Variants in CYP2J2 observed in about 807,000 individuals in gnomAD.
CYP2J2 encodes the protein cytochrome P450 family 2 subfamily J member 2.
In CYP2J2, 41 loss-of-function variants were observed where a neutral mutation model predicts 48.8. The ratio of observed to expected loss-of-function variants is 0.84; its 90% CI spans 0.66 to 1.09. The LOEUF (loss-of-function observed/expected upper bound fraction) is 1.09, where lower values mean the gene tolerates loss of function less well. Ranked by LOEUF, CYP2J2 falls within the 50% of genes least tolerant of loss-of-function variation. The pLI is 0.00. For missense variants in CYP2J2, 644 were observed against 617.3 expected (o/e 1.04, Z -0.46); for synonymous variants, 221 against 227.1 (o/e 0.97, Z 0.24).
intron 7 of CYP2J2, among the ~76,000 whole-genome samples, chr1:59,902,209 A>T (rs1326900140): frequency 6.7e-6 from 1 of 150,234 alleles, no homozygotes; most frequent in East Asian, 2.0e-4. Flanking sequence ...TTCCCTGACC[A>T]CTCCTGCTAG....
At chr1:59,894,517 GA>G (rs938124452) in intron 8 of CYP2J2, among the ~76,000 whole-genome samples, 4 of 152,164 alleles carry the variant, frequency 2.6e-5, no homozygotes, top group African/African-American at 9.7e-5. Flanking sequence ...ATGTGTGGGT[GA>G]ACTGAAGGCA....
At chr1:59,910,786 T>C (rs997620585) in intron 4 of CYP2J2, among the ~76,000 whole-genome samples, 2 of 152,048 alleles carry the variant, frequency 1.3e-5, no homozygotes, top group African/African-American at 4.8e-5. Flanking sequence ...AGAAATGTCT[T>C]CCAAATTCCA....
rs11572273 is a variant in CYP2J2 at position 59,909,977 on chromosome 1, A to T, written c.685-17T>A. On this transcript the variant is annotated splice_polypyrimidine_tract_variant and intron_variant, in intron 4 of 8. Coordinates refer to ENST00000371204, the MANE Select transcript of CYP2J2 (RefSeq NM_000775.4). ...ATTGTAGAGCTAATTGAGAAAAACAAAACAATCATGCAGATAACATGGTGC... is the reference window on the plus strand; with the variant it reads ...ATTGTAGAGCTAATTGAGAAAAACATAACAATCATGCAGATAACATGGTGC... The T allele has an allele frequency of 2.7e-4, 430 of 1,586,934 alleles. 6 individuals are homozygous for T. The South Asian group carries it at 4.6e-3, about 17-fold the overall frequency.
At chr1:59,907,287 G>A (rs996838893) in intron 6 of CYP2J2, among the ~76,000 whole-genome samples, 6 of 152,094 alleles carry the variant, frequency 3.9e-5, no homozygotes, top group African/African-American at 1.2e-4. Flanking sequence ...CATCTATCAC[G>A]ACATAGAGGC....
At chr1:59,945,548 G>A in the CYP2J2 span, among the ~76,000 whole-genome samples, 2 of 152,130 alleles carry the variant, frequency 1.3e-5, no homozygotes, top group East Asian at 1.9e-4. Context: ...ATGCTAATAT[G>A]AGCCTTTTTT....
the CYP2J2 span, among the ~76,000 whole-genome samples, chr1:59,966,970 G>A: frequency 6.6e-6 from 1 of 151,334 alleles, no homozygotes; most frequent in African/African-American, 2.4e-5. Context: ...GGAAATCCAA[G>A]CTCTTCAGGC....
chr1:59,935,051 T>TATATATATATATATATATATAC, the CYP2J2 span, among the ~76,000 whole-genome samples: 2 of 107,758 alleles, frequency 1.9e-5, no homozygotes, highest in African/African-American at 3.8e-5. Context: ...TATATATATA[T>TATATATATATATATATATATAC]ACACAACAGA....
At chr1:59,962,701 C>A in the CYP2J2 span, among the ~76,000 whole-genome samples, 21 of 152,118 alleles carry the variant, frequency 1.4e-4, no homozygotes, top group Admixed American at 1.4e-3. Context: ...CTGAATTGAC[C>A]AGTGACAATG....
At chr1:59,951,022 G>A in the CYP2J2 span, among the ~76,000 whole-genome samples, 10 of 152,156 alleles carry the variant, frequency 6.6e-5, no homozygotes, top group African/African-American at 2.4e-4. Context: ...TGGAAGGGAG[G>A]GGAGCTAGAT....
rs1325063835 is a variant in CYP2J2, at chr1:59,907,836, G to A, written c.953C>T (p.Thr318Ile). The A allele has an allele frequency of 6.2e-7, 1 of 1,614,120 alleles. No individual in the cohort carries two copies. Residue 318 changes from threonine to isoleucine, a missense_variant, in exon 6 of 9, where the codon ACA (threonine) becomes ATA (isoleucine). Transcript: ENST00000371204. ...LFFAGTETTSTTLRWALLYMA... is the reference protein window; with the variant it reads ...LFFAGTETTSITLRWALLYMA... Reference sequence around the variant, plus strand: ...ATAAAGCAGAGCCCATCGCAGAGTTGTGGAAGTTGTCTCGGTTCCGGCAAA... The same window carrying A: ...ATAAAGCAGAGCCCATCGCAGAGTTATGGAAGTTGTCTCGGTTCCGGCAAA...
chr1:59,954,442 A>T, the CYP2J2 span, among the ~76,000 whole-genome samples: 1 of 152,194 alleles, frequency 6.6e-6, no homozygotes. Context: ...AGAAAACAGC[A>T]GATGACAAGA....
the CYP2J2 span, among the ~76,000 whole-genome samples, chr1:59,943,929 G>T: frequency 6.6e-6 from 1 of 152,160 alleles, no homozygotes. Flanking sequence ...AGAAATGGGA[G>T]TTGAAGTGGA....
chr1:59,893,371 T>C lies in CYP2J2; in HGVS notation c.*280A>G, dbSNP rs1321835604. 2 of 317,144 alleles carry C rather than the reference T, an allele frequency of 6.3e-6. No homozygotes were observed. Among genetic ancestry groups the C allele is most frequent in the Admixed American group, 4.9e-5 (1 of 20,294 alleles). 19.6% of individuals were successfully genotyped at this position (317,144 alleles called of 1,614,324 possible). The stretch of plus-strand genomic sequence containing the variant: ...AACCACTTAAAGCTCACCATTTCTT[T>C]TGATTCTTACAAGAACTTTCTTTAT... On this transcript the variant is annotated 3_prime_UTR_variant, in exon 9 of 9. Coordinates refer to ENST00000371204, the MANE Select transcript of CYP2J2 (RefSeq NM_000775.4).
intron 8 of CYP2J2, among the ~76,000 whole-genome samples, chr1:59,899,614 T>C (rs1644299775): frequency 6.6e-6 from 1 of 152,234 alleles, no homozygotes; most frequent in South Asian, 2.1e-4. Flanking sequence ...TTTCAGTAGA[T>C]AGTGTTAGCA....
At chr1:59,906,828 C>T (rs1296222309) in intron 6 of CYP2J2, among the ~76,000 whole-genome samples, 1 of 152,098 alleles carries the variant, frequency 6.6e-6, no homozygotes, top group Non-Finnish European at 1.5e-5. Context: ...TATGCAACTA[C>T]AGATGAAAAA....
the CYP2J2 span, among the ~76,000 whole-genome samples, chr1:59,951,877 C>A: frequency 6.6e-6 from 1 of 152,144 alleles, no homozygotes. Context: ...TTGTTTTTGA[C>A]CCTATTGCCC....
At chr1:59,917,530 C>T (rs1283708494) in intron 1 of CYP2J2, among the ~76,000 whole-genome samples, 1 of 152,124 alleles carries the variant, frequency 6.6e-6, no homozygotes, top group Non-Finnish European at 1.5e-5. Context: ...GATTTGAGGA[C>T]AAAGACGTGA....
At chr1:59,929,690 T>G (rs1012985510), upstream of CYP2J2, among the ~76,000 whole-genome samples, 6 of 152,098 alleles carry the variant, frequency 3.9e-5, no homozygotes, top group African/African-American at 1.4e-4. Context: ...CAGTGAACTG[T>G]AAGATAGCTT....
chr1:59,927,625 C>T (rs1400045961), upstream of CYP2J2, among the ~76,000 whole-genome samples: 1 of 152,102 alleles, frequency 6.6e-6, no homozygotes, highest in Non-Finnish European at 1.5e-5. Context: ...CTTGCTCTGT[C>T]GCCCAGGCTG....
Sources: gnomAD v4.1 joint callset for allele counts (sites outside exome capture counted in the v4.1 genomes callset) on GRCh38, gnomAD v4.1.1 for gene constraint, MANE v1.5 for transcripts, NCBI Gene and HGNC (gene_info 2026-07-23, HGNC 2026-07-21) for gene names.